Variants in BCKDHB observed in about 807,000 individuals in gnomAD.
BCKDHB encodes the protein 2-oxoisovalerate dehydrogenase subunit beta, mitochondrial.
BCKDHB carries 41 observed loss-of-function variants against 48.5 expected under a neutral mutation model. The ratio of observed to expected loss-of-function variants is 0.85; its 90% CI spans 0.66 to 1.10. The LOEUF is 1.10. BCKDHB is among the 50% of genes least tolerant of loss of function. The probability of loss-of-function intolerance (pLI) is 0.00; values close to 1 mark genes in which losing one functional copy is unlikely to be tolerated. For synonymous variants in BCKDHB, 201 were observed against 174.8 expected (o/e 1.15, Z -1.18); for missense variants, 496 against 494.2 (o/e 1.00, Z -0.03).
intron 8 of BCKDHB, among the ~76,000 whole-genome samples, chr6:80,270,814 T>C (rs950904893): frequency 2.0e-5 from 3 of 152,162 alleles, no homozygotes; most frequent in African/African-American, 7.2e-5. Context: ...GCCTGTTTGC[T>C]GCTGGAGTTT....
At chr6:80,317,067 G>A (rs965532729) in intron 9 of BCKDHB, among the ~76,000 whole-genome samples, 4 of 152,068 alleles carry the variant, frequency 2.6e-5, no homozygotes, top group African/African-American at 9.7e-5. Context: ...TTCATCTTTG[G>A]TTGAGCTGTC....
At chr6:80,256,634 T>G (rs1018455286) in intron 8 of BCKDHB, among the ~76,000 whole-genome samples, 1 of 152,234 alleles carries the variant, frequency 6.6e-6, no homozygotes, top group African/African-American at 2.4e-5. Flanking sequence ...TTTTTTATAC[T>G]TTCATTTTTT....
chr6:80,318,732 C>A (rs1384291301), intron 9 of BCKDHB, among the ~76,000 whole-genome samples: 2 of 149,020 alleles, frequency 1.3e-5, no homozygotes, highest in Non-Finnish European at 3.0e-5. Context: ...AAAAATTGTA[C>A]TGAACATGTA....
chr6:80,224,838 G>A (rs1775613177), intron 8 of BCKDHB, among the ~76,000 whole-genome samples: 1 of 152,176 alleles, frequency 6.6e-6, no homozygotes, highest in Non-Finnish European at 1.5e-5. Flanking sequence ...AAAGTGCACA[G>A]ACTTTGGAAG....
intron 1 of BCKDHB, among the ~76,000 whole-genome samples, chr6:80,108,840 CAG>C (rs1040686637): frequency 4.6e-5 from 7 of 152,258 alleles, no homozygotes; most frequent in African/African-American, 1.4e-4. Flanking sequence ...AGCCTGGTGA[CAG>C]AGCAAGACTC....
At chr6:80,354,727 G>C in the BCKDHB span, among the ~76,000 whole-genome samples, 1 of 152,112 alleles carries the variant, frequency 6.6e-6, no homozygotes. Context: ...TTTGCATATA[G>C]TGAATCTATT....
chr6:80,174,424 A>T (rs373190539), intron 6 of BCKDHB, among the ~76,000 whole-genome samples: 1 of 152,090 alleles, frequency 6.6e-6, no homozygotes, highest in African/African-American at 2.4e-5. Flanking sequence ...CAATACCAAA[A>T]TCCAGAGCAT....
intron 6 of BCKDHB, among the ~76,000 whole-genome samples, chr6:80,190,392 G>T (rs1228614181): frequency 1.3e-5 from 2 of 152,074 alleles, no homozygotes; most frequent in African/African-American, 4.8e-5. Context: ...TAATACTTCT[G>T]AAACCCATTT....
chr6:80,124,342 T>G (rs144071909), intron 1 of BCKDHB, among the ~76,000 whole-genome samples: 7,772 of 152,264 alleles, frequency 0.051, 321 homozygotes, highest in South Asian at 0.19. Flanking sequence ...ATAAGTGTGA[T>G]GTAGTGCTGA....
At chr6:80,363,347 A>G in the BCKDHB span, among the ~76,000 whole-genome samples, 4 of 152,298 alleles carry the variant, frequency 2.6e-5, no homozygotes, top group Admixed American at 1.3e-4. Context: ...AACGACTGAG[A>G]TTACCATACA....
chr6:80,173,854 T>C (rs1278610843), intron 6 of BCKDHB, among the ~76,000 whole-genome samples: 1 of 151,532 alleles, frequency 6.6e-6, no homozygotes, highest in Non-Finnish European at 1.5e-5. Context: ...TTTCTAGCCC[T>C]GTGTCTCAGA....
At chr6:80,155,423 A>T (rs1771991880) in intron 3 of BCKDHB, among the ~76,000 whole-genome samples, 1 of 152,174 alleles carries the variant, frequency 6.6e-6, no homozygotes, top group South Asian at 2.1e-4. Context: ...GTAGAAAGAA[A>T]GGGAAGCAAT....
At chr6:80,372,676 C>A in the BCKDHB span, among the ~76,000 whole-genome samples, 4 of 152,064 alleles carry the variant, frequency 2.6e-5, no homozygotes, top group Non-Finnish European at 4.4e-5. Flanking sequence ...TGGATTTTGT[C>A]AAATGCTTTT....
At position 80,120,228 on chromosome 6, in the gene BCKDHB, A is replaced by G. The variant is rs141173064; in HGVS notation, c.197-7319A>G. On this transcript the variant is annotated intron_variant, in intron 1 of 9. Coordinates refer to ENST00000320393, the MANE Select transcript of BCKDHB (RefSeq NM_183050.4). ...ATGGCTGCATAGTATTCCATGGTGT[A>G]TATGTGCCACATTTTCTTAATCTAG... Among the ~76,000 whole-genome samples, 534 of 152,264 alleles carry G rather than the reference A, an allele frequency of 3.5e-3. 3 individuals carry two copies. The highest frequency in any genetic ancestry group is 0.012 in the African/African-American group (499 of 41,548).
rs796484929 is a variant in BCKDHB at position 80,275,202 on chromosome 6, A to T, written c.1038+1981A>T. 4.6e-5 allele frequency among the ~76,000 whole-genome samples: 7 copies of T among 152,214 alleles called. No homozygotes were observed. In the South Asian group the frequency reaches 1.4e-3, roughly 32 times the overall value. Reference sequence around the variant, plus strand: ...TCTAAACCAACTGCATTCTTTTTACAGATGAGTGTCATCCAGAGTGTTTGT... The same window carrying T: ...TCTAAACCAACTGCATTCTTTTTACTGATGAGTGTCATCCAGAGTGTTTGT... On this transcript the variant is annotated intron_variant, in intron 9 of 9. Transcript: ENST00000320393.
intron 3 of BCKDHB, among the ~76,000 whole-genome samples, chr6:80,152,061 A>T (rs1043133914): frequency 2.0e-5 from 3 of 152,174 alleles, no homozygotes; most frequent in African/African-American, 4.8e-5. Context: ...TATCACAAGG[A>T]TGATGATAAT....
chr6:80,312,080 G>T (rs1488488883), intron 9 of BCKDHB, among the ~76,000 whole-genome samples: 3 of 152,140 alleles, frequency 2.0e-5, no homozygotes, highest in Admixed American at 2.0e-4. Context: ...CCATGTCTTT[G>T]TGTCATCTCT....
At chr6:80,408,608 T>C in the BCKDHB span, among the ~76,000 whole-genome samples, 1 of 152,134 alleles carries the variant, frequency 6.6e-6, no homozygotes, top group Non-Finnish European at 1.5e-5. Flanking sequence ...TCCCAGAATT[T>C]ATTCATTTTT....
At chr6:80,428,435 A>C in the BCKDHB span, among the ~76,000 whole-genome samples, 1 of 152,120 alleles carries the variant, frequency 6.6e-6, no homozygotes, top group Non-Finnish European at 1.5e-5. Context: ...TTGATCCTTG[A>C]GGAGTTGCCA....
Sources: allele counts gnomAD v4.1 joint callset (sites outside exome capture counted in the v4.1 genomes callset), GRCh38; gene constraint gnomAD v4.1.1; transcripts MANE v1.5; gene names NCBI Gene and HGNC (gene_info 2026-07-23, HGNC 2026-07-21).